KLHL13: variants seen among roughly 807,000 people sequenced by gnomAD.
KLHL13 encodes kelch like family member 13, also known as kelch-like protein 13.
Under a neutral mutation model 37.1 loss-of-function variants are expected in KLHL13, and 10 were observed. That is an observed-to-expected ratio of 0.27 (90% CI 0.17 to 0.46). The LOEUF (loss-of-function observed/expected upper bound fraction) is 0.46. Among genes scored for constraint, KLHL13 ranks in the 20% least tolerant of loss-of-function variants. KLHL13 has a pLI of 1.00. For synonymous variants in KLHL13, 163 were observed against 181.2 expected, an observed-to-expected ratio of 0.90 and a Z score of 0.81; for missense variants, 360 against 509.3, an observed-to-expected ratio of 0.71 and a Z score of 2.82.
exon 4 of KLHL13, chrX:117,919,548 G>A: frequency 8.3e-7 from 1 of 1,208,849 alleles, no homozygotes; most frequent in Non-Finnish European, 1.1e-6. Context: ...CTTTACAGAA[G>A]TCCAAAACTG....
chrX:117,995,747 T>C (rs2053847718), intron 1 of KLHL13, among the ~76,000 whole-genome samples: 1 of 111,949 alleles, frequency 8.9e-6, no homozygotes, highest in African/African-American at 3.2e-5. Context: ...TTGAATCATA[T>C]AGTATCTAAT....
chrX:118,045,844 T>C (rs754117352), intron 1 of KLHL13, among the ~76,000 whole-genome samples: 189 of 111,443 alleles, frequency 1.7e-3, no homozygotes, highest in Middle Eastern at 4.7e-3. Context: ...CACTGAGATA[T>C]CATCTCATCT....
intron 1 of KLHL13, among the ~76,000 whole-genome samples, chrX:118,114,291 C>T (rs1479515288): frequency 2.7e-5 from 3 of 112,147 alleles, no homozygotes; most frequent in South Asian, 3.7e-4. Flanking sequence ...TAAGTAAGTG[C>T]AGTTACATTT....
At position 118,008,181 on chromosome X, in the gene KLHL13, C is replaced by T. The variant is rs182949506; in HGVS notation, c.-55-62606G>A. On this transcript the variant is annotated intron_variant, in intron 1 of 6. Transcript: ENST00000371882. ...TGTTCAGGAGCCTTTGAAAATTTTA[C>T]ATAATCTTTCTAACGCTCACCTTGT... Among the ~76,000 whole-genome samples the T allele has an allele frequency of 1.5e-3, 169 of 111,654 alleles. 2 individuals carry two copies. The highest frequency in any genetic ancestry group is 5.3e-3 in the African/African-American group (164 of 30,731).
chrX:118,031,211 G>A (rs945917513), intron 1 of KLHL13, among the ~76,000 whole-genome samples: 4 of 109,679 alleles, frequency 3.6e-5, no homozygotes, highest in East Asian at 2.8e-4. Context: ...AGTTCATGTA[G>A]AAGGAGATAT....
At chrX:117,916,319 T>C (rs1349008532) in intron 4 of KLHL13, among the ~76,000 whole-genome samples, 1 of 112,415 alleles carries the variant, frequency 8.9e-6, no homozygotes, top group South Asian at 3.7e-4. Context: ...TAAAAGTGGT[T>C]TTAGTTTTAC....
intron 1 of KLHL13, among the ~76,000 whole-genome samples, chrX:118,013,832 T>C (rs1027983329): frequency 5.3e-5 from 6 of 112,354 alleles, no homozygotes; most frequent in Non-Finnish European, 1.1e-4. Flanking sequence ...TTCCCAAAAT[T>C]AATACTTTTA....
chrX:118,053,856 GA>G (rs1475386784), intron 1 of KLHL13, among the ~76,000 whole-genome samples: 1 of 75,820 alleles, frequency 1.3e-5, no homozygotes, highest in African/African-American at 5.6e-5. Context: ...AGAGGAGAGA[GA>G]GAGAGAGAGA....
At chrX:117,920,274 C>T in exon 3 of KLHL13, 9 of 1,208,213 alleles carry the variant, frequency 7.4e-6, no homozygotes, top group Non-Finnish European at 1.0e-5. Context: ...CTAGCAGATG[C>T]CATCATGACT....
At chrX:118,069,935 T>C (rs1012147371) in intron 1 of KLHL13, among the ~76,000 whole-genome samples, 1 of 112,430 alleles carries the variant, frequency 8.9e-6, no homozygotes, top group African/African-American at 3.2e-5. Context: ...AAATGCCCTA[T>C]GCAGGTGTAC....
rs144097407 is a variant in KLHL13 at position 118,006,923 on chromosome X, T to C, written c.-55-61348A>G. ...TACTTGAAAGCTAGTATTAATATACTTTCCCCTTCATATCACATGAGTAAA... is the reference window on the plus strand; with the variant it reads ...TACTTGAAAGCTAGTATTAATATACCTTCCCCTTCATATCACATGAGTAAA... On this transcript the variant is annotated intron_variant, in intron 1 of 6. Coordinates refer to the KLHL13 transcript ENST00000371882. 5.7e-3 allele frequency among the ~76,000 whole-genome samples: 641 copies of C among 111,677 alleles called. 5 individuals carry two copies. Among genetic ancestry groups the C allele is most frequent in the Non-Finnish European group, 8.6e-3 (459 of 53,113 alleles).
rs751569328 is a variant in KLHL13, at chrX:118,035,173, A to G, written c.-56+81335T>C. ...GATTCTACCAGAGGTACAAGGAGGAACTGGTACCATTCCTTCTGAAACTAT... is the reference window on the plus strand; with the variant it reads ...GATTCTACCAGAGGTACAAGGAGGAGCTGGTACCATTCCTTCTGAAACTAT... On this transcript the variant is annotated intron_variant, in intron 1 of 6. Transcript: ENST00000371882. Among the ~76,000 whole-genome samples, 22 of 105,619 alleles carry G rather than the reference A, an allele frequency of 2.1e-4. 2 individuals are homozygous for G. The highest frequency in any genetic ancestry group is 7.4e-4 in the African/African-American group (19 of 25,676). 91.7% of individuals were successfully genotyped at this position (105,619 alleles called of 115,157 possible).
At chrX:117,903,172 AGGAGAGC>A (rs763793993) in intron 5 of KLHL13, among the ~76,000 whole-genome samples, 10 of 95,694 alleles carry the variant, frequency 1.0e-4, no homozygotes, top group South Asian at 4.4e-4. Context: ...AGAGAGAGAG[AGGAGAGC>A]GAGAGAGAGA....
chrX:118,071,201 A>G (rs756262616), intron 1 of KLHL13, among the ~76,000 whole-genome samples: 3 of 111,642 alleles, frequency 2.7e-5, no homozygotes, highest in South Asian at 7.5e-4. Flanking sequence ...ATTGTGAATA[A>G]TGCCGCAATA....
chrX:118,006,299 CA>C (rs2053981581), intron 1 of KLHL13, among the ~76,000 whole-genome samples: 1 of 110,345 alleles, frequency 9.1e-6, no homozygotes, highest in Admixed American at 9.6e-5. Context: ...TGTATTTTAC[CA>C]AAGAAGGGTT....
At chrX:118,105,603 G>A (rs374746994) in intron 1 of KLHL13, among the ~76,000 whole-genome samples, 3 of 112,591 alleles carry the variant, frequency 2.7e-5, no homozygotes, top group African/African-American at 3.2e-5. Context: ...AGTATTGGCC[G>A]ATATCAAATT....
intron 1 of KLHL13, among the ~76,000 whole-genome samples, chrX:117,986,693 A>G (rs925169032): frequency 2.7e-5 from 3 of 111,176 alleles, no homozygotes; most frequent in Non-Finnish European, 5.7e-5. Context: ...TCCAAACTCC[A>G]CTTTCCTGAA....
intron 1 of KLHL13, among the ~76,000 whole-genome samples, chrX:118,014,070 C>T (rs189970249): frequency 8.9e-6 from 1 of 111,954 alleles, no homozygotes; most frequent in African/African-American, 3.2e-5. Context: ...AATCAGTGCA[C>T]CCTAAGAAAG....
At chrX:118,010,030 C>A (rs2054042035) in intron 1 of KLHL13, among the ~76,000 whole-genome samples, 1 of 109,644 alleles carries the variant, frequency 9.1e-6, no homozygotes, top group African/African-American at 3.3e-5. Context: ...CAAATCAAAA[C>A]CACTATGAGA....
Sources: gnomAD v4.1 joint callset for allele counts (sites outside exome capture counted in the v4.1 genomes callset) on GRCh38, gnomAD v4.1.1 for gene constraint, MANE v1.5 for transcripts, NCBI Gene and HGNC (gene_info 2026-07-23, HGNC 2026-07-21) for gene names.